DISC1: variants seen among roughly 807,000 people sequenced by gnomAD.
DISC1 encodes DISC1 scaffold protein.
Under a neutral mutation model 84.5 loss-of-function variants are expected in DISC1, and 57 were observed. That is an observed-to-expected ratio of 0.67 (90% CI 0.55 to 0.84). The LOEUF is 0.84. Among genes scored for constraint, DISC1 ranks in the 40% least tolerant of loss-of-function variants. The pLI, the probability that DISC1 is intolerant of heterozygous loss-of-function variation, is 0.00. For synonymous variants in DISC1, 411 were observed against 415.2 expected, an observed-to-expected ratio of 0.99 and a Z score of 0.12; for missense variants, 1,000 against 1,057.8, an observed-to-expected ratio of 0.95 and a Z score of 0.76.
chr1:231,944,224 T>G (rs534977833), intron 9 of DISC1, among the ~76,000 whole-genome samples: 1 of 152,170 alleles, frequency 6.6e-6, no homozygotes, highest in East Asian at 1.9e-4. Flanking sequence ...CACTCCAGCA[T>G]GTGTGTCTGA....
intron 3 of DISC1, among the ~76,000 whole-genome samples, chr1:231,717,436 C>T (rs1407003924): frequency 6.6e-6 from 1 of 152,098 alleles, no homozygotes; most frequent in Admixed American, 6.5e-5. Flanking sequence ...AGTCTGGAGC[C>T]TTGCTACAGT....
At chr1:231,876,242 C>G (rs1156507994) in intron 9 of DISC1, among the ~76,000 whole-genome samples, 1 of 152,150 alleles carries the variant, frequency 6.6e-6, no homozygotes, top group Non-Finnish European at 1.5e-5. Flanking sequence ...CTCATGAGAT[C>G]TGGTCATTTA....
chr1:231,943,345 T>C (rs925522671), intron 9 of DISC1, among the ~76,000 whole-genome samples: 7 of 152,148 alleles, frequency 4.6e-5, no homozygotes, highest in Non-Finnish European at 8.8e-5. Flanking sequence ...AGGGGGAAGA[T>C]GTGGGCAAGA....
intron 9 of DISC1, among the ~76,000 whole-genome samples, chr1:231,923,415 G>A (rs2090137736): frequency 6.6e-6 from 1 of 152,092 alleles, no homozygotes; most frequent in Non-Finnish European, 1.5e-5. Flanking sequence ...TGCCCTCAGT[G>A]CCCTCCCTTC....
At chr1:231,634,629 A>G (rs570786484) in intron 1 of DISC1, among the ~76,000 whole-genome samples, 20 of 152,324 alleles carry the variant, frequency 1.3e-4, no homozygotes, top group African/African-American at 3.8e-4. Flanking sequence ...TCCTTAGTTT[A>G]TAGAATTATC....
chr1:231,695,722 G>A (rs938449692), intron 2 of DISC1, among the ~76,000 whole-genome samples: 1 of 152,280 alleles, frequency 6.6e-6, no homozygotes, highest in South Asian at 2.1e-4. Flanking sequence ...GTTTCTGCGT[G>A]TGGTGTGTGG....
chr1:231,908,737 T>C (rs971223788), intron 9 of DISC1, among the ~76,000 whole-genome samples: 2 of 152,232 alleles, frequency 1.3e-5, no homozygotes, highest in African/African-American at 2.4e-5. Flanking sequence ...GCGGATGGCA[T>C]TGAATCTATA....
At chr1:231,912,019 C>T (rs1385128241) in intron 9 of DISC1, among the ~76,000 whole-genome samples, 1 of 152,176 alleles carries the variant, frequency 6.6e-6, no homozygotes, top group Non-Finnish European at 1.5e-5. Flanking sequence ...TTTTTCATCT[C>T]CATAAAGTCA....
intron 9 of DISC1, among the ~76,000 whole-genome samples, chr1:231,943,517 G>GT (rs2091459917): frequency 6.6e-6 from 1 of 150,986 alleles, no homozygotes; most frequent in Non-Finnish European, 1.5e-5. Context: ...CCCTAGTACA[G>GT]GAGGTGGTTG....
chr1:231,642,914 T>A (rs924670349), intron 1 of DISC1, among the ~76,000 whole-genome samples: 1 of 152,174 alleles, frequency 6.6e-6, no homozygotes, highest in Non-Finnish European at 1.5e-5. Context: ...ATAGTCACAG[T>A]GAAAATCTAT....
intron 7 of DISC1, among the ~76,000 whole-genome samples, chr1:231,799,477 T>C (rs1031857473): frequency 1.3e-5 from 2 of 151,962 alleles, no homozygotes; most frequent in African/African-American, 2.4e-5. Flanking sequence ...TAGAATTACA[T>C]GGTGTATCAT....
chr1:231,998,792 G>A (rs542439921), intron 10 of DISC1, among the ~76,000 whole-genome samples: 2 of 152,212 alleles, frequency 1.3e-5, no homozygotes, highest in East Asian at 3.9e-4. Context: ...ATTTTTTACT[G>A]TTGATGACAT....
At chr1:231,975,576 G>A (rs148923035) in intron 10 of DISC1, among the ~76,000 whole-genome samples, 1 of 152,286 alleles carries the variant, frequency 6.6e-6, no homozygotes, top group Admixed American at 6.5e-5. Flanking sequence ...TGGGTGATTG[G>A]ATAAAGAGAA....
At chr1:231,758,435 T>G (rs1406600825) in intron 4 of DISC1, among the ~76,000 whole-genome samples, 2 of 151,264 alleles carry the variant, frequency 1.3e-5, no homozygotes, top group Non-Finnish European at 2.9e-5. Flanking sequence ...AACCATGGGG[T>G]AGGGGAGAAA....
intron 12 of DISC1, among the ~76,000 whole-genome samples, chr1:232,027,006 C>T (rs1669543643): frequency 1.3e-5 from 2 of 152,094 alleles, no homozygotes; most frequent in Admixed American, 6.5e-5. Flanking sequence ...CCGCCTTGGC[C>T]TCCCAAAGTG....
Position 232,040,167 on chromosome 1 carries a change from T to G in DISC1, c.*3336T>G, listed in dbSNP as rs1160547414. ...CCACCGGGCCCTGATGATTTTTGTATTTTTAGTAGAGACAGGGCTTCACCA... is the reference window on the plus strand; with the variant it reads ...CCACCGGGCCCTGATGATTTTTGTAGTTTTAGTAGAGACAGGGCTTCACCA... On this transcript the variant is annotated 3_prime_UTR_variant, in exon 13 of 13. Coordinates refer to ENST00000439617, the MANE Select transcript of DISC1 (RefSeq NM_018662.3). 1 of 152,082 alleles carries G rather than the reference T, an allele frequency of 6.6e-6. No individual in the cohort carries two copies. Among genetic ancestry groups the G allele is most frequent in the East Asian group, 1.9e-4 (1 of 5,182 alleles). 9.4% of individuals were successfully genotyped at this position (152,082 alleles called of 1,614,324 possible).
intron 12 of DISC1, among the ~76,000 whole-genome samples, chr1:232,034,673 T>A (rs1670353659): frequency 6.6e-6 from 1 of 152,212 alleles, no homozygotes; most frequent in Non-Finnish European, 1.5e-5. Context: ...TGGCATGTAG[T>A]CCCAGGCTGC....
chr1:231,805,416 C>T (rs2079623544), intron 8 of DISC1, among the ~76,000 whole-genome samples: 1 of 152,070 alleles, frequency 6.6e-6, no homozygotes, highest in South Asian at 2.1e-4. Context: ...TCTGGAGAGG[C>T]CTCAGGAAAC....
chr1:231,692,147 G>C (rs1417105159), intron 1 of DISC1, among the ~76,000 whole-genome samples: 1 of 152,150 alleles, frequency 6.6e-6, no homozygotes, highest in African/African-American at 2.4e-5. Flanking sequence ...AAGGCTTTCT[G>C]AGCTTTAGCT....
Sources: gnomAD v4.1 joint callset for allele counts (sites outside exome capture counted in the v4.1 genomes callset) on GRCh38, gnomAD v4.1.1 for gene constraint, MANE v1.5 for transcripts, NCBI Gene and HGNC (gene_info 2026-07-23, HGNC 2026-07-21) for gene names.